TAFA1: variants seen among roughly 807,000 people sequenced by gnomAD.
The protein encoded by TAFA1 is chemokine-like protein TAFA-1.
A neutral mutation model predicts 18.5 loss-of-function variants in TAFA1; 4 were observed. The ratio of observed to expected loss-of-function variants is 0.22; its 90% CI spans 0.11 to 0.49. The LOEUF (loss-of-function observed/expected upper bound fraction) is 0.49, where lower values mean the gene tolerates loss of function less well. Among genes scored for constraint, TAFA1 ranks in the 20% least tolerant of loss-of-function variants. The probability of loss-of-function intolerance (pLI) is 0.98; values close to 1 mark genes in which losing one functional copy is unlikely to be tolerated. For missense variants in TAFA1, 147 were observed against 169.0 expected (o/e 0.87, Z 0.72); for synonymous variants, 56 against 55.2 (o/e 1.01, Z -0.06).
chr3:68,395,019 G>A (rs914178450), intron 2 of TAFA1, among the ~76,000 whole-genome samples: 9 of 152,026 alleles, frequency 5.9e-5, no homozygotes, highest in African/African-American at 1.2e-4. Context: ...GCAACCTACC[G>A]AATGGGAGAA....
chr3:68,191,231 T>C (rs1457452801), intron 2 of TAFA1, among the ~76,000 whole-genome samples: 1 of 151,836 alleles, frequency 6.6e-6, no homozygotes, highest in African/African-American at 2.4e-5. Context: ...TTTGTGGTAC[T>C]TTTTCTTCTG....
At position 68,330,692 on chromosome 3, in the gene TAFA1, A is replaced by G. The variant is rs559254593; in HGVS notation, c.119-86588A>G. ...ATAACTAGTAGGTGGTAGAACTGGG[A>G]TTGGAATCAGATATAATAAACTACT... On this transcript the variant is annotated intron_variant, in intron 2 of 4. Coordinates refer to ENST00000478136, the MANE Select transcript of TAFA1 (RefSeq NM_213609.4). Among the ~76,000 whole-genome samples the G allele has an allele frequency of 3.9e-5, 6 of 152,316 alleles. No individual in the cohort carries two copies. In the South Asian group the frequency reaches 1.2e-3, roughly 32 times the overall value.
At chr3:67,999,974 A>G (rs1364195671), upstream of TAFA1, among the ~76,000 whole-genome samples, 3 of 151,988 alleles carry the variant, frequency 2.0e-5, no homozygotes, top group Non-Finnish European at 4.4e-5. Flanking sequence ...TTTTTAGTAG[A>G]GACAGGGTTT....
At chr3:68,157,066 T>C (rs549618633) in intron 2 of TAFA1, among the ~76,000 whole-genome samples, 7 of 152,374 alleles carry the variant, frequency 4.6e-5, no homozygotes, top group African/African-American at 1.7e-4. Context: ...CCAGCTCTTG[T>C]ATTTTAGTTC....
intron 3 of TAFA1, among the ~76,000 whole-genome samples, chr3:68,509,681 C>T (rs1345316930): frequency 2.6e-5 from 4 of 152,062 alleles, no homozygotes; most frequent in Non-Finnish European, 5.9e-5. Context: ...CCTGTCATTA[C>T]CAGCCATTAC....
intron 2 of TAFA1, among the ~76,000 whole-genome samples, chr3:68,156,404 T>C (rs1302312075): frequency 6.6e-6 from 1 of 152,144 alleles, no homozygotes; most frequent in Non-Finnish European, 1.5e-5. Flanking sequence ...GATGTTCTTG[T>C]TTGTCTGCTT....
chr3:68,103,903 G>C (rs181810494), intron 2 of TAFA1, among the ~76,000 whole-genome samples: 2 of 152,156 alleles, frequency 1.3e-5, no homozygotes, highest in Admixed American at 1.3e-4. Flanking sequence ...TCGAATCTCA[G>C]AGTTCCTACC....
chr3:67,994,163 A>G, the TAFA1 span, among the ~76,000 whole-genome samples: 3 of 152,194 alleles, frequency 2.0e-5, no homozygotes, highest in Non-Finnish European at 2.9e-5. Context: ...GTTCCTTCCA[A>G]GGAAATTTAC....
At chr3:68,279,778 T>A (rs1003956158) in intron 2 of TAFA1, among the ~76,000 whole-genome samples, 1 of 152,196 alleles carries the variant, frequency 6.6e-6, no homozygotes, top group Non-Finnish European at 1.5e-5. Flanking sequence ...AGATACTAGC[T>A]AGGTTTGTAA....
chr3:68,466,852 A>G (rs1164588667), intron 3 of TAFA1, among the ~76,000 whole-genome samples: 2 of 152,166 alleles, frequency 1.3e-5, no homozygotes, highest in Non-Finnish European at 2.9e-5. Context: ...AGAGTACAAA[A>G]AATAGAAATT....
chr3:68,540,938 A>G (rs1007326912), intron 4 of TAFA1, among the ~76,000 whole-genome samples: 1 of 152,228 alleles, frequency 6.6e-6, no homozygotes, highest in African/African-American at 2.4e-5. Context: ...AGTATTGTGC[A>G]GGATCTGATC....
At chr3:68,107,580 T>G (rs1349726198) in intron 2 of TAFA1, among the ~76,000 whole-genome samples, 1 of 152,150 alleles carries the variant, frequency 6.6e-6, no homozygotes, top group Non-Finnish European at 1.5e-5. Flanking sequence ...TCTTCTAATG[T>G]TTTCAATTGT....
chr3:68,384,487 C>A (rs1303395826), intron 2 of TAFA1, among the ~76,000 whole-genome samples: 1 of 151,924 alleles, frequency 6.6e-6, no homozygotes, highest in Non-Finnish European at 1.5e-5. Context: ...GAGTGAATTT[C>A]TTTGTTTTGA....
chr3:68,529,962 T>C (rs1170431687), intron 3 of TAFA1, among the ~76,000 whole-genome samples: 1 of 152,172 alleles, frequency 6.6e-6, no homozygotes, highest in African/African-American at 2.4e-5. Flanking sequence ...GCCTGCTCTA[T>C]TAACACAACA....
At chr3:68,322,793 A>C (rs2106709654) in intron 2 of TAFA1, among the ~76,000 whole-genome samples, 1 of 152,230 alleles carries the variant, frequency 6.6e-6, no homozygotes, top group Middle Eastern at 3.4e-3. Flanking sequence ...AAATACAAAA[A>C]TTAGCTGGGC....
At chr3:68,489,510 C>T (rs531099245) in intron 3 of TAFA1, among the ~76,000 whole-genome samples, 50 of 152,276 alleles carry the variant, frequency 3.3e-4, no homozygotes, top group African/African-American at 1.2e-3. Context: ...CTGTATTGTT[C>T]TCTAGAAAAG....
At chr3:68,323,418 GAAACC>G (rs1224213962) in intron 2 of TAFA1, among the ~76,000 whole-genome samples, 1 of 152,170 alleles carries the variant, frequency 6.6e-6, no homozygotes, top group Non-Finnish European at 1.5e-5. Context: ...AGGGGAATTA[GAAACC>G]AAACCAAACC....
intron 2 of TAFA1, among the ~76,000 whole-genome samples, chr3:68,246,328 C>A (rs533621302): frequency 6.6e-6 from 1 of 152,038 alleles, no homozygotes; most frequent in East Asian, 1.9e-4. Context: ...CGGTGGTTCA[C>A]GCCTGTATTC....
intron 2 of TAFA1, among the ~76,000 whole-genome samples, chr3:68,221,209 G>T (rs1437560688): frequency 5.9e-5 from 9 of 152,128 alleles, no homozygotes; most frequent in Non-Finnish European, 7.4e-5. Flanking sequence ...CAGTATTACT[G>T]TTGCTCATCT....
Sources: allele counts gnomAD v4.1 joint callset (sites outside exome capture counted in the v4.1 genomes callset), GRCh38; gene constraint gnomAD v4.1.1; transcripts MANE v1.5; gene names NCBI Gene and HGNC (gene_info 2026-07-23, HGNC 2026-07-21).